The following YES1 variants were observed in gnomAD, a reference collection of about 807,000 sequenced individuals.
YES1 encodes the protein YES proto-oncogene 1, Src family tyrosine kinase, also known as tyrosine-protein kinase Yes.
A neutral mutation model predicts 70.4 loss-of-function variants in YES1; 39 were observed. That is an observed-to-expected ratio of 0.55 (90% CI 0.43 to 0.72). The LOEUF (loss-of-function observed/expected upper bound fraction) is 0.72, where lower values mean the gene tolerates loss of function less well. Ranked by LOEUF, YES1 falls within the 30% of genes least tolerant of loss-of-function variation. The probability of loss-of-function intolerance (pLI) is 0.00; values close to 1 mark genes in which losing one functional copy is unlikely to be tolerated. For synonymous variants in YES1, 198 were observed against 218.6 expected (o/e 0.91, Z 0.83); for missense variants, 495 against 644.8 (o/e 0.77, Z 2.52).
At chr18:743,590 T>C (rs759521052) in intron 6 of YES1, among the ~76,000 whole-genome samples, 175 bp from the exon 7 acceptor site, 5 of 152,138 alleles carry the variant, frequency 3.3e-5, no homozygotes, top group Non-Finnish European at 7.4e-5. Flanking sequence ...ACATGAAATA[T>C]ACATAAGTGA....
intron 1 of YES1, among the ~76,000 whole-genome samples, chr18:801,725 G>A (rs1906832516): frequency 6.6e-6 from 1 of 152,160 alleles, no homozygotes; most frequent in Non-Finnish European, 1.5e-5. Flanking sequence ...TATACAGAGA[G>A]AGAGAGAATA....
intron 1 of YES1, among the ~76,000 whole-genome samples, chr18:791,522 A>G (rs1241031417): frequency 6.6e-6 from 1 of 152,216 alleles, no homozygotes; most frequent in African/African-American, 2.4e-5. Context: ...GTCTAAGGTC[A>G]AAGACACTCT....
At chr18:765,346 G>C (rs1904849262) in intron 1 of YES1, among the ~76,000 whole-genome samples, 2 of 145,540 alleles carry the variant, frequency 1.4e-5, no homozygotes, top group Admixed American at 1.4e-4. Flanking sequence ...GAAAATGTTA[G>C]TGTGTTAAAT....
At chr18:739,924 T>C in intron 8 of YES1, 113 bp from the exon 9 acceptor site, 1 of 822,308 alleles carries the variant, frequency 1.2e-6, no homozygotes, top group Non-Finnish European at 1.8e-6. Flanking sequence ...TTTCATTTTT[T>C]TTAAATTTTG....
rs148910050 is a variant in YES1 at position 743,477 on chromosome 18, A to G, written c.725-62T>C. The G allele has an allele frequency of 7.9e-4, 1,078 of 1,357,338 alleles. 8 individuals carry two copies. In the African/African-American group the frequency reaches 0.014, roughly 18 times the overall value. 84.1% of individuals were successfully genotyped at this position (1,357,338 alleles called of 1,614,324 possible). On this transcript the variant is annotated intron_variant, in intron 6 of 11. Transcript: ENST00000314574. The stretch of plus-strand genomic sequence containing the variant: ...ACAAAAATTAAGGGGCATATAGTGT[A>G]TCAATGTTTTAAGTTTAAACTGTAG...
rs2145706241 is a variant in YES1 at position 743,011 on chromosome 18, T to C, written c.967A>G (p.Ile323Val). 1 of 1,612,482 alleles carries C rather than the reference T, an allele frequency of 6.2e-7. No homozygotes were observed. The highest frequency in any genetic ancestry group is 1.3e-5 in the African/African-American group (1 of 74,988). ...MPEAFLQEAQIMKKLRHDKLV... is the reference protein window; with the variant it reads ...MPEAFLQEAQVMKKLRHDKLV... ...TTATCATGTCTTAATTTTTTCATTA[T>C]CTGAGCTTCTTGAAGGAAAGCTTCT... Residue 323 changes from isoleucine (I) to valine (V), a missense_variant, in exon 8 of 12, where the codon ATA becomes GTA. Physicochemically the swap from Ile to Val is conservative, Grantham distance 29. This residue lies in a region of YES1 where 385 missense variants were observed against 540.9 expected (regional missense o/e 0.71). Transcript: ENST00000314574.
intron 1 of YES1, among the ~76,000 whole-genome samples, chr18:809,954 T>C (rs76650274): frequency 0.057 from 8,690 of 151,640 alleles, 348 homozygotes; most frequent in East Asian, 0.12. Context: ...TTTCCCTTCA[T>C]AGAACCACAG....
At chr18:742,359 T>C (rs1222446676) in intron 8 of YES1, among the ~76,000 whole-genome samples, 6 of 151,720 alleles carry the variant, frequency 4.0e-5, no homozygotes, top group Admixed American at 6.6e-5. Flanking sequence ...TGGCTCATGC[T>C]GGTAATACCA....
chr18:747,913 G>A lies in YES1; in HGVS notation c.470+7C>T. 1 of 1,611,362 alleles carries A rather than the reference G, an allele frequency of 6.2e-7. No individual in the cohort carries two copies. The highest frequency in any genetic ancestry group is 1.1e-5 in the South Asian group (1 of 90,918). ...AATAATTAATAAAATATGAAGTAGT[G>A]CCATACTCTTCTGCCTGAATGGAAT... On this transcript the variant is annotated splice_region_variant and intron_variant, in intron 4 of 11. Coordinates refer to ENST00000314574, the MANE Select transcript of YES1 (RefSeq NM_005433.4).
chr18:747,518 T>C (rs1043204595), intron 4 of YES1, among the ~76,000 whole-genome samples: 2 of 152,144 alleles, frequency 1.3e-5, no homozygotes, highest in African/African-American at 4.8e-5. Context: ...GGGATGCATA[T>C]ATATACCAAT....
intron 8 of YES1, among the ~76,000 whole-genome samples, chr18:742,011 T>C (rs987763926): frequency 1.3e-5 from 2 of 152,128 alleles, no homozygotes; most frequent in Non-Finnish European, 2.9e-5. Context: ...ATGTAACTTG[T>C]AGTTGTCCTT....
intron 1 of YES1, among the ~76,000 whole-genome samples, chr18:809,166 G>A (rs1907245734): frequency 6.6e-6 from 1 of 152,098 alleles, no homozygotes; most frequent in African/African-American, 2.4e-5. Flanking sequence ...CATACAAGCC[G>A]AAGCGGATTT....
At chr18:782,858 C>T (rs1289712923) in intron 1 of YES1, among the ~76,000 whole-genome samples, 2 of 152,078 alleles carry the variant, frequency 1.3e-5, no homozygotes, top group African/African-American at 4.8e-5. Context: ...CCATGCCCGG[C>T]TAATTTTTGT....
At chr18:777,426 T>A (rs150675462) in intron 1 of YES1, among the ~76,000 whole-genome samples, 3 of 152,360 alleles carry the variant, frequency 2.0e-5, no homozygotes, top group East Asian at 3.9e-4. Context: ...GAAATACTTG[T>A]AGGTTTTCCA....
intron 7 of YES1, 79 bp downstream of exon 7, chr18:743,181 G>T: frequency 1.2e-5 from 19 of 1,551,948 alleles, no homozygotes; most frequent in Non-Finnish European, 1.7e-5. Context: ...CTTAAATATT[G>T]AAACATATTT....
chr18:812,728 C>G (rs1344552251), upstream of YES1, among the ~76,000 whole-genome samples: 2 of 152,206 alleles, frequency 1.3e-5, no homozygotes, highest in Non-Finnish European at 2.9e-5. Flanking sequence ...CTCTGCCTTT[C>G]TCTGTTCCTT....
chr18:782,812 A>T (rs1409291405), intron 1 of YES1, among the ~76,000 whole-genome samples: 1 of 152,146 alleles, frequency 6.6e-6, no homozygotes, highest in Non-Finnish European at 1.5e-5. Flanking sequence ...CTTGTGCCTC[A>T]GGCTCCCAAG....
intron 1 of YES1, among the ~76,000 whole-genome samples, chr18:798,508 G>A (rs1350829755): frequency 6.6e-6 from 1 of 152,114 alleles, no homozygotes; most frequent in Non-Finnish European, 1.5e-5. Context: ...TGACTGATGG[G>A]GTAGGGTGGG....
At chr18:767,289 A>G (rs1220656548) in intron 1 of YES1, among the ~76,000 whole-genome samples, 4 of 152,110 alleles carry the variant, frequency 2.6e-5, no homozygotes, top group Non-Finnish European at 5.9e-5. Context: ...AGCTGGGACT[A>G]TAGGCGAGCA....
Sources: allele counts gnomAD v4.1 joint callset (sites outside exome capture counted in the v4.1 genomes callset), GRCh38; gene constraint gnomAD v4.1.1; regional missense constraint gnomAD v4.1.1; transcripts MANE v1.5; gene names NCBI Gene and HGNC (gene_info 2026-07-23, HGNC 2026-07-21).